ZNF804B: variants seen among roughly 807,000 people sequenced by gnomAD.
ZNF804B encodes the protein zinc finger 804B.
In ZNF804B, 80 loss-of-function variants were observed where a neutral mutation model predicts 101.4. The ratio of observed to expected loss-of-function variants is 0.79; its 90% CI spans 0.66 to 0.95. The LOEUF is 0.95. ZNF804B is among the 40% of genes least tolerant of loss of function. The pLI is 0.00. For synonymous variants in ZNF804B, 622 were observed against 558.8 expected (o/e 1.11, Z -1.59); for missense variants, 1,673 against 1,561.9 (o/e 1.07, Z -1.20).
At chr7:89,093,391 T>C (rs576339140) in intron 1 of ZNF804B, among the ~76,000 whole-genome samples, 31 of 152,354 alleles carry the variant, frequency 2.0e-4, no homozygotes, top group African/African-American at 7.2e-4. Context: ...TAATTCCTCA[T>C]ACAGTGAGAT....
At chr7:89,191,082 G>A (rs554160328) in intron 1 of ZNF804B, among the ~76,000 whole-genome samples, 2 of 152,046 alleles carry the variant, frequency 1.3e-5, no homozygotes, top group African/African-American at 2.4e-5. Flanking sequence ...TTCTTCATAC[G>A]AATGAATTTT....
intron 2 of ZNF804B, among the ~76,000 whole-genome samples, chr7:89,282,390 C>A (rs1215459683): frequency 6.6e-6 from 1 of 151,750 alleles, no homozygotes; most frequent in Non-Finnish European, 1.5e-5. Context: ...TGGATGGAGG[C>A]CCCAAGGACA....
intron 2 of ZNF804B, among the ~76,000 whole-genome samples, chr7:89,225,804 G>C (rs1365359176): frequency 6.6e-6 from 1 of 152,038 alleles, no homozygotes; most frequent in Non-Finnish European, 1.5e-5. Context: ...TGACTTTGTG[G>C]AAAATTGCTA....
chr7:89,186,550 C>G (rs138914565), intron 1 of ZNF804B, among the ~76,000 whole-genome samples: 9 of 152,048 alleles, frequency 5.9e-5, no homozygotes, highest in Non-Finnish European at 1.0e-4. Context: ...AAACTAAACA[C>G]TTAAGTATGA....
At chr7:89,185,946 T>C (rs1280515105) in intron 1 of ZNF804B, among the ~76,000 whole-genome samples, 2 of 151,984 alleles carry the variant, frequency 1.3e-5, no homozygotes, top group Non-Finnish European at 2.9e-5. Context: ...ACTTAGTGCA[T>C]CCAAAACTGT....
At chr7:88,951,284 A>C (rs1198513162) in intron 1 of ZNF804B, among the ~76,000 whole-genome samples, 1 of 151,874 alleles carries the variant, frequency 6.6e-6, no homozygotes, top group Non-Finnish European at 1.5e-5. Context: ...AATTAAAGAA[A>C]ATCTGATAGG....
At chr7:89,179,649 T>A (rs1584035839) in intron 1 of ZNF804B, among the ~76,000 whole-genome samples, 1 of 152,236 alleles carries the variant, frequency 6.6e-6, no homozygotes, top group East Asian at 1.9e-4. Flanking sequence ...GGTGCCTTAC[T>A]TGGTTTGTTT....
chr7:89,022,404 C>T (rs542323318), intron 1 of ZNF804B, among the ~76,000 whole-genome samples: 1 of 152,202 alleles, frequency 6.6e-6, no homozygotes, highest in South Asian at 2.1e-4. Flanking sequence ...ACAATTGGAC[C>T]TTGATGAAGG....
rs1791520224 is a variant in ZNF804B, at chr7:88,854,527, T to TTTCCTTCCCTTCCCTTCCCTTCCC, written c.108+94451_108+94452insCTTCCCTTCCCTTCCCTTCCTTCC. Among the ~76,000 whole-genome samples, 110 of 40,076 alleles carry TTTCCTTCCCTTCCCTTCCCTTCCC rather than the reference T, an allele frequency of 2.7e-3. 9 individuals carry two copies. The highest frequency in any genetic ancestry group is 0.011 in the African/African-American group (103 of 9,626). 26.3% of individuals were successfully genotyped at this position (40,076 alleles called of 152,430 possible). ...CTTTCCTTTCCTTTCCTTTCCTTCC[T>TTTCCTTCCCTTCCCTTCCCTTCCC]TTCCTTCCTTCCTTCCTTCCTTCCT... On this transcript the variant is annotated intron_variant, in intron 1 of 3. Transcript: ENST00000333190.
chr7:88,776,560 GTTT>G (rs57733765), intron 1 of ZNF804B, among the ~76,000 whole-genome samples: 1 of 75,112 alleles, frequency 1.3e-5, no homozygotes, highest in Non-Finnish European at 2.7e-5. Flanking sequence ...GTGGTGTTTT[GTTT>G]TTTTTTTTTT....
At chr7:88,963,067 G>A (rs1793410948) in intron 1 of ZNF804B, among the ~76,000 whole-genome samples, 1 of 150,930 alleles carries the variant, frequency 6.6e-6, no homozygotes, top group East Asian at 2.0e-4. Flanking sequence ...TGGACTAGAA[G>A]ACTTAATATT....
Position 89,335,802 on chromosome 7 carries a change from A to G in ZNF804B, c.2820A>G (p.Gln940=). The stretch of plus-strand genomic sequence containing the variant: ...TACAAGCCAAGAAATGTCAAGAACA[A>G]TCAAGTAATGTTGAGATCTCTTCAA... ...ERVQAKKCQE[Q]SSNVEISSNS... The change falls in exon 4 of 4, where the codon CAA becomes CAG. Residue 940 remains glutamine (Q), a synonymous_variant. Coordinates refer to ENST00000333190, the MANE Select transcript of ZNF804B (RefSeq NM_181646.5). The G allele has an allele frequency of 1.2e-6, 2 of 1,614,094 alleles. No homozygotes were observed. Among genetic ancestry groups the G allele is most frequent in the South Asian group, 1.1e-5 (1 of 91,090 alleles).
intron 1 of ZNF804B, among the ~76,000 whole-genome samples, chr7:88,929,835 T>TA (rs1293113299): frequency 6.6e-6 from 1 of 151,968 alleles, no homozygotes; most frequent in Non-Finnish European, 1.5e-5. Flanking sequence ...ATTTAGTTTA[T>TA]AAAAAATCCA....
At chr7:89,223,420 C>T (rs573705610) in intron 2 of ZNF804B, among the ~76,000 whole-genome samples, 3 of 151,850 alleles carry the variant, frequency 2.0e-5, no homozygotes, top group African/African-American at 4.8e-5. Context: ...TTGTTATTAT[C>T]GTCTGTCAGC....
intron 1 of ZNF804B, among the ~76,000 whole-genome samples, chr7:88,884,950 T>C (rs1261428643): frequency 1.3e-5 from 2 of 151,904 alleles, no homozygotes; most frequent in African/African-American, 4.8e-5. Flanking sequence ...TCTAGAAGGC[T>C]ACTAATAATA....
intron 1 of ZNF804B, chr7:88,794,631 G>A (rs146825913): frequency 2.4e-5 from 38 of 1,613,646 alleles, no homozygotes; most frequent in Non-Finnish European, 3.1e-5. Flanking sequence ...AGAGAGTGTC[G>A]CTGGAGGACT....
chr7:89,098,692 A>G (rs981966264), intron 1 of ZNF804B, among the ~76,000 whole-genome samples: 1 of 152,158 alleles, frequency 6.6e-6, no homozygotes, highest in African/African-American at 2.4e-5. Context: ...ATTTCATTCT[A>G]ACTTTAAACT....
chr7:88,976,130 G>A (rs1793612954), intron 1 of ZNF804B, among the ~76,000 whole-genome samples: 1 of 150,334 alleles, frequency 6.7e-6, no homozygotes, highest in Non-Finnish European at 1.5e-5. Flanking sequence ...TTGGTCTGTA[G>A]CATAATTTGA....
At chr7:88,955,940 T>C (rs965279771) in intron 1 of ZNF804B, among the ~76,000 whole-genome samples, 16 of 151,570 alleles carry the variant, frequency 1.1e-4, no homozygotes, top group African/African-American at 3.9e-4. Context: ...TGAATAGACA[T>C]TTCTGAAAAG....
Sources: allele counts gnomAD v4.1 joint callset (sites outside exome capture counted in the v4.1 genomes callset), GRCh38; gene constraint gnomAD v4.1.1; transcripts MANE v1.5; gene names NCBI Gene and HGNC (gene_info 2026-07-23, HGNC 2026-07-21).